The following PGAP1 variants were observed in gnomAD, a reference collection of about 807,000 sequenced individuals.
PGAP1 encodes post-GPI attachment to proteins inositol deacylase 1, also known as GPI inositol-deacylase.
Under a neutral mutation model 127.0 loss-of-function variants are expected in PGAP1, and 76 were observed. The observed-to-expected ratio is 0.60, with a 90% CI of 0.50 to 0.72. The LOEUF (loss-of-function observed/expected upper bound fraction) is 0.72, where lower values mean the gene tolerates loss of function less well. PGAP1 is among the 30% of genes least tolerant of loss of function. The probability of loss-of-function intolerance (pLI) is 0.00; values close to 1 mark genes in which losing one functional copy is unlikely to be tolerated. For missense variants in PGAP1, 982 were observed against 1,071.3 expected, an observed-to-expected ratio of 0.92 and a Z score of 1.16; for synonymous variants, 362 against 366.5, an observed-to-expected ratio of 0.99 and a Z score of 0.14.
In PGAP1 at chr2:196,872,613, T is replaced by C. The variant is rs879077260; in HGVS notation, c.1620-64A>G. 3.3e-5 allele frequency: 38 copies of C among 1,146,582 alleles called. No individual in the cohort carries two copies. The South Asian group carries it at 4.2e-4, about 13-fold the overall frequency. The allele number at this position is 1,146,582 out of a possible 1,614,324, so 71.0% of individuals were successfully genotyped here. On this transcript the variant is annotated intron_variant, in intron 17 of 26. Transcript: ENST00000354764. ...ATGCTGGTAAAGAGCCATGGCTAAG[T>C]TAATCCTCAGCACAATACAACTGAA...
Position 196,872,531 on chromosome 2 carries a change from T to C in PGAP1, c.1638A>G (p.Glu546=), listed in dbSNP as rs142482606. The C allele has an allele frequency of 2.5e-4, 404 of 1,611,916 alleles. No homozygotes were observed. The highest frequency in any genetic ancestry group is 3.3e-4 in the Non-Finnish European group (386 of 1,178,100). ...GAGCAATATGGAGTTTCAGAGAAAT[T>C]TCTGTGGAAGATGGAGCCCTGAAGA... ...LTIAQAPSST[E]ISLKLHIAQP... The change falls in exon 18 of 27, where the codon GAA becomes GAG. Residue 546 remains glutamate (E), a synonymous_variant. Coordinates refer to ENST00000354764, the MANE Select transcript of PGAP1 (RefSeq NM_024989.4).
rs766123227 is a variant in PGAP1 at position 196,898,375 on chromosome 2, A to G, written c.808-6T>C. ...GTCTTAGGCACTGCTGAACTCTAAA[A>G]GAAAAGAAAAAAATAAACTTACGAA... On this transcript the variant is annotated splice_region_variant and splice_polypyrimidine_tract_variant and intron_variant, in intron 5 of 26. Coordinates refer to ENST00000354764, the MANE Select transcript of PGAP1 (RefSeq NM_024989.4). 1.9e-6 allele frequency: 3 copies of G among 1,600,264 alleles called. No individual in the cohort carries two copies. In the African/African-American group the frequency reaches 4.0e-5, roughly 22 times the overall value.
chr2:196,902,204 AT>A (rs1003061173), intron 5 of PGAP1, among the ~76,000 whole-genome samples: 3 of 151,992 alleles, frequency 2.0e-5, no homozygotes, highest in African/African-American at 4.8e-5. Context: ...AATTTTAAAG[AT>A]TTTTTGTATT....
chr2:196,843,240 C>T (rs1328850981), intron 25 of PGAP1, among the ~76,000 whole-genome samples: 1 of 152,128 alleles, frequency 6.6e-6, no homozygotes, highest in Non-Finnish European at 1.5e-5. Flanking sequence ...CATTTACTGA[C>T]AGTAAAATGT....
In PGAP1 at chr2:196,926,633, C is replaced by T; in HGVS notation, c.-17G>A. The T allele has an allele frequency of 6.2e-7, 1 of 1,612,564 alleles. No individual in the cohort carries two copies. Among genetic ancestry groups the T allele is most frequent in the Non-Finnish European group, 8.5e-7 (1 of 1,179,334 alleles). The stretch of plus-strand genomic sequence containing the variant: ...AAGAAACATGGTGCCGCCACCACCG[C>T]CGCCGCCGCCGCCGCCCCCTCTACC... On this transcript the variant is annotated 5_prime_UTR_variant, in exon 1 of 27. Coordinates refer to ENST00000354764, the MANE Select transcript of PGAP1 (RefSeq NM_024989.4).
At chr2:196,888,722 A>C (rs1186178971) in intron 10 of PGAP1, among the ~76,000 whole-genome samples, 3 of 152,174 alleles carry the variant, frequency 2.0e-5, no homozygotes, top group Non-Finnish European at 4.4e-5. Context: ...TAAACTTAAA[A>C]TTTAAGTGAA....
At chr2:196,918,050 C>A (rs1703073210) in intron 2 of PGAP1, among the ~76,000 whole-genome samples, 3 of 152,134 alleles carry the variant, frequency 2.0e-5, no homozygotes, top group Non-Finnish European at 4.4e-5. Context: ...AGTGCTATCT[C>A]ATTTTTTATT....
chr2:196,857,208 T>C (rs938466646), intron 20 of PGAP1, among the ~76,000 whole-genome samples: 4 of 152,214 alleles, frequency 2.6e-5, no homozygotes, highest in African/African-American at 9.6e-5. Flanking sequence ...TTTCAGGATA[T>C]AAAATCAATG....
At chr2:196,903,381 T>C in intron 4 of PGAP1, among the ~76,000 whole-genome samples, 1 of 150,832 alleles carries the variant, frequency 6.6e-6, no homozygotes, top group Non-Finnish European at 1.5e-5. Flanking sequence ...GCCAATATGG[T>C]GAAAGCCCAT....
chr2:196,873,506 A>G (rs374674588), intron 16 of PGAP1, 22 bp downstream of exon 16: 5 of 1,577,730 alleles, frequency 3.2e-6, no homozygotes, highest in South Asian at 1.1e-5. Flanking sequence ...TTTTCTATAC[A>G]TTTTTTAGAA....
At chr2:196,926,102 G>C (rs1198763673) in intron 1 of PGAP1, among the ~76,000 whole-genome samples, 1 of 152,134 alleles carries the variant, frequency 6.6e-6, no homozygotes, top group Non-Finnish European at 1.5e-5. Flanking sequence ...CTTCGGTTTA[G>C]GGAGAAGGGT....
chr2:196,894,149 G>GGAGA (rs1702192075), intron 7 of PGAP1, among the ~76,000 whole-genome samples: 1 of 152,190 alleles, frequency 6.6e-6, no homozygotes, highest in East Asian at 1.9e-4. Flanking sequence ...TCTTAGATTG[G>GGAGA]GAGACAGTCC....
chr2:196,860,011 G>A (rs1028318252), intron 20 of PGAP1, among the ~76,000 whole-genome samples: 4 of 151,948 alleles, frequency 2.6e-5, no homozygotes, highest in African/African-American at 9.7e-5. Flanking sequence ...CCTAGCCAGA[G>A]CAACTAGGCA....
In PGAP1 at chr2:196,880,146, G is replaced by T; in HGVS notation, c.1280C>A (p.Thr427Lys). 6.5e-7 allele frequency: 1 copy of T among 1,527,864 alleles called. No homozygotes were observed. The highest frequency in any genetic ancestry group is 8.8e-7 in the Non-Finnish European group (1 of 1,135,366). The allele number at this position is 1,527,864 out of a possible 1,614,324, so 94.6% of individuals were successfully genotyped here. The part of the protein sequence containing the change: ...AELLPTIKYL[T>K]LRLQDYPSLS... ...AGATGGATAGTCTTGAAGTCTTAATGTCAGATACTAAAATAAAAAAAAAAG... is the reference window on the plus strand; with the variant it reads ...AGATGGATAGTCTTGAAGTCTTAATTTCAGATACTAAAATAAAAAAAAAAG... Residue 427 changes from threonine to lysine, a missense_variant, in exon 13 of 27, where the codon ACA becomes AAA. Coordinates refer to ENST00000354764, the MANE Select transcript of PGAP1 (RefSeq NM_024989.4).
chr2:196,859,657 A>G (rs1450295041), intron 20 of PGAP1, among the ~76,000 whole-genome samples: 1 of 152,224 alleles, frequency 6.6e-6, no homozygotes, highest in Non-Finnish European at 1.5e-5. Context: ...TATTAAAAAT[A>G]TCATTCACCA....
chr2:196,894,525 G>A (rs893343849), intron 7 of PGAP1, among the ~76,000 whole-genome samples: 1 of 152,136 alleles, frequency 6.6e-6, no homozygotes, highest in Non-Finnish European at 1.5e-5. Flanking sequence ...ACTTTAGGCC[G>A]GGCGCAGTGG....
chr2:196,866,520 A>G (rs1471933181), intron 19 of PGAP1, among the ~76,000 whole-genome samples: 1 of 152,216 alleles, frequency 6.6e-6, no homozygotes, highest in Non-Finnish European at 1.5e-5. Context: ...TAAAAACCCT[A>G]GAAGAAAACC....
At chr2:196,862,299 G>A (rs905012207) in intron 20 of PGAP1, among the ~76,000 whole-genome samples, 3 of 151,942 alleles carry the variant, frequency 2.0e-5, no homozygotes, top group Admixed American at 2.0e-4. Flanking sequence ...AGTGCTCCCA[G>A]GCTTATTAGG....
intron 20 of PGAP1, among the ~76,000 whole-genome samples, chr2:196,855,443 T>C (rs1457370476): frequency 6.6e-6 from 1 of 151,880 alleles, no homozygotes; most frequent in African/African-American, 2.4e-5. Flanking sequence ...TTCTGATAAC[T>C]TTAAGATTAA....
Sources: allele counts gnomAD v4.1 joint callset (sites outside exome capture counted in the v4.1 genomes callset), GRCh38; gene constraint gnomAD v4.1.1; transcripts MANE v1.5; gene names NCBI Gene and HGNC (gene_info 2026-07-23, HGNC 2026-07-21).